The following CPS1 variants were observed in gnomAD, a reference collection of about 807,000 sequenced individuals.
CPS1 encodes the protein carbamoyl-phosphate synthase 1, also known as carbamoyl-phosphate synthase [ammonia], mitochondrial.
A neutral mutation model predicts 174.6 loss-of-function variants in CPS1; 109 were observed. The observed-to-expected ratio is 0.62, with a 90% CI of 0.53 to 0.73. The LOEUF (loss-of-function observed/expected upper bound fraction) is 0.73, where lower values mean the gene tolerates loss of function less well. CPS1 is among the 30% of genes least tolerant of loss of function. The pLI is 0.00. For missense variants in CPS1, 1,689 were observed against 1,821.9 expected, an observed-to-expected ratio of 0.93 and a Z score of 1.33; for synonymous variants, 637 against 632.0, an observed-to-expected ratio of 1.01 and a Z score of -0.12.
chr2:210,507,700 A>G lies in CPS1; in HGVS notation c.3+29934A>G, dbSNP rs1695329597. On this transcript the variant is annotated intron_variant, in intron 1 of 38. Coordinates refer to the CPS1 transcript ENST00000430249. ...GGAGGAAGATCTACCAAGCAAATGG[A>G]AAACAAAAAAAGGCAGGGGTTGCAA... is the stretch of plus-strand genomic sequence containing the variant. Among the ~76,000 whole-genome samples, 7 of 151,874 alleles carry G rather than the reference A, an allele frequency of 4.6e-5. No individual in the cohort carries two copies. In the South Asian group the frequency reaches 1.3e-3, roughly 27 times the overall value.
chr2:210,556,921 A>C, intron 1 of CPS1, 62 bp downstream of exon 1: 1 of 1,570,988 alleles, frequency 6.4e-7, no homozygotes, highest in Non-Finnish European at 8.8e-7. Context: ...CAGTGAAGCA[A>C]AGGTGTCCCT....
chr2:210,507,406 C>A (rs1176066110), intron 1 of CPS1, among the ~76,000 whole-genome samples: 2 of 152,190 alleles, frequency 1.3e-5, no homozygotes, highest in Non-Finnish European at 2.9e-5. Flanking sequence ...ACAACTGGTA[C>A]CACCCACTGC....
chr2:210,611,578 G>A (rs1327889844), intron 19 of CPS1, among the ~76,000 whole-genome samples: 2 of 151,732 alleles, frequency 1.3e-5, no homozygotes, highest in African/African-American at 4.8e-5. Flanking sequence ...CTCCTCCTAC[G>A]TTCAAAATCA....
At chr2:210,627,591 CT>C (rs1699733850) in intron 21 of CPS1, among the ~76,000 whole-genome samples, 1 of 152,132 alleles carries the variant, frequency 6.6e-6, no homozygotes, top group South Asian at 2.1e-4. Context: ...GAGTCATGCA[CT>C]TCGTATCCAA....
At chr2:210,593,034 T>C in intron 11 of CPS1, 78 bp downstream of exon 11, 6 of 1,208,656 alleles carry the variant, frequency 5.0e-6, no homozygotes, top group Non-Finnish European at 7.4e-6. Flanking sequence ...ACCAAAATAA[T>C]CACCCCAGAT....
intron 1 of CPS1, among the ~76,000 whole-genome samples, chr2:210,480,431 G>A (rs1430434833): frequency 6.6e-6 from 1 of 152,188 alleles, no homozygotes; most frequent in Non-Finnish European, 1.5e-5. Context: ...ATACATGATG[G>A]CAGTTTTAGT....
At chr2:210,623,468 T>A (rs888375420) in intron 21 of CPS1, among the ~76,000 whole-genome samples, 1 of 152,106 alleles carries the variant, frequency 6.6e-6, no homozygotes, top group African/African-American at 2.4e-5. Flanking sequence ...TAATATTCTC[T>A]TTCCTCTTTA....
intron 6 of CPS1, among the ~76,000 whole-genome samples, chr2:210,587,192 A>T (rs1254036430): frequency 6.6e-6 from 1 of 152,062 alleles, no homozygotes; most frequent in East Asian, 1.9e-4. Context: ...CTTAGTGGAG[A>T]GGTAGATATT....
intron 12 of CPS1, 57 bp from the exon 13 acceptor site, chr2:210,595,430 T>A: frequency 8.3e-7 from 1 of 1,205,758 alleles, no homozygotes; most frequent in Non-Finnish European, 1.2e-6. Context: ...ATCTTGAAAA[T>A]GCCTTATTTC....
intron 1 of CPS1, among the ~76,000 whole-genome samples, chr2:210,564,521 G>A (rs1269442812): frequency 9.2e-5 from 14 of 152,190 alleles, no homozygotes; most frequent in East Asian, 7.8e-4. Context: ...GACTACAGGT[G>A]CCTGCCACCA....
chr2:210,486,951 A>G (rs909334261), intron 1 of CPS1, among the ~76,000 whole-genome samples: 4 of 150,510 alleles, frequency 2.7e-5, no homozygotes, highest in Non-Finnish European at 4.4e-5. Flanking sequence ...GTTTGTTTCC[A>G]GGAACCAAGC....
chr2:210,675,570 T>C (rs1230533383), intron 35 of CPS1, among the ~76,000 whole-genome samples, 158 bp from the exon 36 acceptor site: 1 of 152,232 alleles, frequency 6.6e-6, no homozygotes, highest in Admixed American at 6.5e-5. Context: ...ATGTTTAAAG[T>C]GCCCATGCCT....
chr2:210,611,003 G>A (rs138303976), intron 19 of CPS1, among the ~76,000 whole-genome samples: 1 of 151,756 alleles, frequency 6.6e-6, no homozygotes, highest in East Asian at 2.0e-4. Context: ...TAATTTTACA[G>A]AACAATAAAA....
rs142249941 is a variant in CPS1 at position 210,484,235 on chromosome 2, G to A, written c.3+6469G>A. On this transcript the variant is annotated intron_variant, in intron 1 of 38. Transcript: ENST00000430249. The stretch of plus-strand genomic sequence containing the variant: ...GGTGATCCAGGGGAACATCCCAGAT[G>A]GAAGGGTCAACCTGTGCAAAGATGA... 5.3e-5 allele frequency among the ~76,000 whole-genome samples: 8 copies of A among 152,276 alleles called. No individual in the cohort carries two copies. The East Asian group carries it at 1.4e-3, about 26-fold the overall frequency.
Position 210,521,050 on chromosome 2 carries a change from T to A in CPS1, c.4-35669T>A, listed in dbSNP as rs140812827. ...TGTTTATCAAAGTGGTTGCAACATT[T>A]TATATTCCCACCAGCAGTGTATAGG... On this transcript the variant is annotated intron_variant, in intron 1 of 38. Transcript: ENST00000430249. 2.0e-5 allele frequency among the ~76,000 whole-genome samples: 3 copies of A among 152,172 alleles called. No individual in the cohort carries two copies. The East Asian group carries it at 5.8e-4, about 30-fold the overall frequency.
chr2:210,614,676 C>T (rs1699241779), intron 20 of CPS1, among the ~76,000 whole-genome samples: 1 of 151,894 alleles, frequency 6.6e-6, no homozygotes, highest in East Asian at 1.9e-4. Context: ...AAATGTGGCA[C>T]ATATACACCA....
chr2:210,618,313 A>T (rs1699385117), intron 21 of CPS1: 1 of 152,066 alleles, frequency 6.6e-6, no homozygotes, highest in South Asian at 2.1e-4. Flanking sequence ...TCTACATTTA[A>T]AACTCTTTAT....
chr2:210,677,925 C>T lies in CPS1; in HGVS notation c.4443C>T (p.Arg1481=). 1.2e-6 allele frequency: 2 copies of T among 1,614,072 alleles called. No individual in the cohort carries two copies. Among genetic ancestry groups the T allele is most frequent in the Non-Finnish European group, 1.7e-6 (2 of 1,179,984 alleles). ...KLFAEAVQKS[R]KVDSKSLFHY... Reference sequence around the variant, plus strand: ...TTGCTGAAGCTGTGCAGAAATCTCGCAAGGTGGACTCCAAGAGTCTTTTCC... The same window carrying T: ...TTGCTGAAGCTGTGCAGAAATCTCGTAAGGTGGACTCCAAGAGTCTTTTCC... The change falls in exon 38 of 38, where the codon CGC becomes CGT. Residue 1481 remains arginine, a synonymous_variant. Transcript: ENST00000233072.
intron 8 of CPS1, 149 bp downstream of exon 8, chr2:210,590,383 C>T: frequency 2.5e-6 from 3 of 1,204,812 alleles, no homozygotes; most frequent in Non-Finnish European, 1.2e-6. Context: ...TAGAGATATT[C>T]TGTAGGGGAA....
Sources: allele counts gnomAD v4.1 joint callset (sites outside exome capture counted in the v4.1 genomes callset), GRCh38; gene constraint gnomAD v4.1.1; transcripts MANE v1.5; gene names NCBI Gene and HGNC (gene_info 2026-07-23, HGNC 2026-07-21).